The following TNPO1 variants were observed in gnomAD, a reference collection of about 807,000 sequenced individuals.
The protein encoded by TNPO1 is transportin-1.
In TNPO1, 8 loss-of-function variants were observed where a neutral mutation model predicts 119.5. That is an observed-to-expected ratio of 0.07 (90% CI 0.04 to 0.12). TNPO1 has a LOEUF of 0.12. Among genes scored for constraint, TNPO1 ranks in the 10% least tolerant of loss-of-function variants. TNPO1 has a pLI of 1.00. For missense variants in TNPO1, 576 were observed against 1,089.8 expected (o/e 0.53, Z 6.64); for synonymous variants, 362 against 363.0 (o/e 1.00, Z 0.03).
chr5:72,841,406 C>T (rs1381335236), intron 1 of TNPO1, among the ~76,000 whole-genome samples: 2 of 152,158 alleles, frequency 1.3e-5, no homozygotes, highest in Non-Finnish European at 1.5e-5. Context: ...GCGTGAGCCA[C>T]CGCGCCCGGC....
At chr5:72,882,049 A>G (rs1488590105) in intron 9 of TNPO1, among the ~76,000 whole-genome samples, 1 of 152,214 alleles carries the variant, frequency 6.6e-6, no homozygotes, top group Non-Finnish European at 1.5e-5. Flanking sequence ...AATTGTTGAT[A>G]AAGATCATCA....
At chr5:72,905,885 A>G (rs1400331722) in intron 24 of TNPO1, among the ~76,000 whole-genome samples, 1 of 152,146 alleles carries the variant, frequency 6.6e-6, no homozygotes, top group Non-Finnish European at 1.5e-5. Context: ...GGACAGAGCA[A>G]GACTCCATCT....
intron 5 of TNPO1, among the ~76,000 whole-genome samples, chr5:72,864,598 T>C (rs946068401): frequency 6.6e-6 from 1 of 152,092 alleles, no homozygotes; most frequent in African/African-American, 2.4e-5. Flanking sequence ...TTTTTTTCTA[T>C]ATGTAAGTAA....
rs1750517739 is a variant in TNPO1 at position 72,910,823 on chromosome 5, G to A, written c.*2150G>A. 2.0e-5 allele frequency: 3 copies of A among 151,904 alleles called. No homozygotes were observed. In the South Asian group the frequency reaches 6.2e-4, roughly 32 times the overall value. 9.4% of individuals were successfully genotyped at this position (151,904 alleles called of 1,614,324 possible). The stretch of plus-strand genomic sequence containing the variant: ...TGTGTGTTTTGTTTTGTTTTGTTCT[G>A]TTTTTTAACGTTCTTTCACCTTTCC... On this transcript the variant is annotated 3_prime_UTR_variant, in exon 25 of 25. Coordinates refer to ENST00000337273, the MANE Select transcript of TNPO1 (RefSeq NM_002270.4).
chr5:72,860,962 G>C (rs896992285), intron 4 of TNPO1, among the ~76,000 whole-genome samples: 9 of 151,672 alleles, frequency 5.9e-5, no homozygotes, highest in African/African-American at 2.2e-4. Flanking sequence ...GCCCAGACTG[G>C]AGTGCAGTGG....
intron 24 of TNPO1, among the ~76,000 whole-genome samples, chr5:72,906,287 T>C (rs1253333221): frequency 5.4e-5 from 6 of 111,156 alleles, no homozygotes; most frequent in African/African-American, 7.5e-5. Flanking sequence ...TTTTTTTTTT[T>C]TTTTTTTTTT....
At chr5:72,874,729 TC>T (rs1747645711) in intron 7 of TNPO1, among the ~76,000 whole-genome samples, 1 of 152,188 alleles carries the variant, frequency 6.6e-6, no homozygotes, top group South Asian at 2.1e-4. Flanking sequence ...GATTTTAGGT[TC>T]ATTTTGTAGA....
At chr5:72,885,846 C>T (rs750687959) in intron 11 of TNPO1, among the ~76,000 whole-genome samples, 14 of 150,822 alleles carry the variant, frequency 9.3e-5, no homozygotes, top group Non-Finnish European at 1.6e-4. Flanking sequence ...TTTCTTAGTC[C>T]ATTTTGTACT....
At chr5:72,827,230 C>T (rs1351711390) in intron 1 of TNPO1, among the ~76,000 whole-genome samples, 1 of 152,104 alleles carries the variant, frequency 6.6e-6, no homozygotes, top group Non-Finnish European at 1.5e-5. Context: ...AAAAAGGGGA[C>T]AGAGACTACT....
At position 72,872,786 on chromosome 5, in the gene TNPO1, C is replaced by T. The variant is rs568202742; in HGVS notation, c.678+66C>T. ...TTTTTTTTGAGAAGGTTAGGTGATG[C>T]TAACTGCATGTAGTTTTGCTTTAAA... is the stretch of plus-strand genomic sequence containing the variant. On this transcript the variant is annotated intron_variant, in intron 7 of 24. Transcript: ENST00000337273. 225 of 885,150 alleles carry T rather than the reference C, an allele frequency of 2.5e-4. 2 individuals carry two copies. The South Asian group carries it at 3.9e-3, about 15-fold the overall frequency. 54.8% of individuals were successfully genotyped at this position (885,150 alleles called of 1,614,324 possible).
intron 2 of TNPO1, 109 bp downstream of exon 2, chr5:72,848,607 C>T (rs1745280177): frequency 4.2e-6 from 2 of 481,844 alleles, no homozygotes; most frequent in East Asian, 4.2e-5. Flanking sequence ...CTCCCCCATC[C>T]TCCGAGACCG....
chr5:72,873,724 G>A (rs764080243), intron 7 of TNPO1, among the ~76,000 whole-genome samples: 5 of 152,030 alleles, frequency 3.3e-5, no homozygotes, highest in African/African-American at 7.2e-5. Context: ...CAAATCCAGC[G>A]TCTCAGTTTA....
chr5:72,889,072 T>G (rs897214215), intron 13 of TNPO1, among the ~76,000 whole-genome samples: 1 of 152,232 alleles, frequency 6.6e-6, no homozygotes, highest in Admixed American at 6.5e-5. Flanking sequence ...TATTTTATTT[T>G]TTTTAGATGG....
chr5:72,897,237 G>C, intron 20 of TNPO1, 86 bp downstream of exon 20: 1 of 875,688 alleles, frequency 1.1e-6, no homozygotes, highest in South Asian at 1.9e-5. Flanking sequence ...AGCAAAACTA[G>C]CTTTTAAAAT....
At chr5:72,879,253 C>T (rs564664148) in intron 9 of TNPO1, 4 of 161,504 alleles carry the variant, frequency 2.5e-5, no homozygotes, top group Non-Finnish European at 4.0e-5. Flanking sequence ...GCAGCAGCTG[C>T]TTCACTCCAG....
rs115873545 is a variant in TNPO1, at chr5:72,888,589, C to T, written c.1529+286C>T. Reference sequence around the variant, plus strand: ...TTTGTAGATCTAAATGTGACAACATCGATCTTAGCTGTTTCTTCTTTGGCT... The same window carrying T: ...TTTGTAGATCTAAATGTGACAACATTGATCTTAGCTGTTTCTTCTTTGGCT... On this transcript the variant is annotated intron_variant, in intron 13 of 24. Coordinates refer to ENST00000337273, the MANE Select transcript of TNPO1 (RefSeq NM_002270.4). 1.8e-3 allele frequency among the ~76,000 whole-genome samples: 276 copies of T among 152,256 alleles called. 2 individuals carry two copies. The highest frequency in any genetic ancestry group is 6.2e-3 in the African/African-American group (259 of 41,536).
At chr5:72,870,329 AT>A (rs150869433) in intron 6 of TNPO1, among the ~76,000 whole-genome samples, 21,798 of 151,866 alleles carry the variant, frequency 0.14, 1,737 homozygotes, top group East Asian at 0.29. Context: ...CTCCCAGCTA[AT>A]TTTTTATTTT....
intron 8 of TNPO1, among the ~76,000 whole-genome samples, chr5:72,876,846 A>G (rs1747820197): frequency 6.6e-6 from 1 of 152,002 alleles, no homozygotes; most frequent in African/African-American, 2.4e-5. Context: ...TGTAATCCCA[A>G]CACTTTGGGA....
intron 7 of TNPO1, among the ~76,000 whole-genome samples, chr5:72,874,666 A>T (rs1366971084): frequency 6.6e-6 from 1 of 152,158 alleles, no homozygotes; most frequent in Non-Finnish European, 1.5e-5. Flanking sequence ...CTGCAATAGT[A>T]CTTCACACAG....
Sources: gnomAD v4.1 joint callset for allele counts (sites outside exome capture counted in the v4.1 genomes callset) on GRCh38, gnomAD v4.1.1 for gene constraint, MANE v1.5 for transcripts, NCBI Gene and HGNC (gene_info 2026-07-23, HGNC 2026-07-21) for gene names.